E2F3: variants seen among roughly 807,000 people sequenced by gnomAD.
The protein encoded by E2F3 is transcription factor E2F3.
A neutral mutation model predicts 44.4 loss-of-function variants in E2F3; 11 were observed. That is an observed-to-expected ratio of 0.25 (90% CI 0.16 to 0.41). The LOEUF (loss-of-function observed/expected upper bound fraction) is 0.41, where lower values mean the gene tolerates loss of function less well. Among genes scored for constraint, E2F3 ranks in the 10% least tolerant of loss-of-function variants. The probability of loss-of-function intolerance (pLI) is 1.00; values close to 1 mark genes in which losing one functional copy is unlikely to be tolerated. For synonymous variants in E2F3, 249 were observed against 253.0 expected (o/e 0.98, Z 0.15); for missense variants, 487 against 583.6 (o/e 0.83, Z 1.70).
At chr6:20,457,347 T>TC (rs143319478) in intron 1 of E2F3, among the ~76,000 whole-genome samples, 1 of 99,820 alleles carries the variant, frequency 1.0e-5, no homozygotes, top group Non-Finnish European at 2.1e-5. Context: ...GCTTATTTTT[T>TC]CTTTTTTTTT....
At position 20,486,740 on chromosome 6, in the gene E2F3, C is replaced by G. The variant is rs368085911; in HGVS notation, c.936C>G (p.Asp312Glu). Reference protein sequence around the residue: ...QDIRKISGLKDQTVIVVKAPP... With the variant: ...QDIRKISGLKEQTVIVVKAPP... ...TTCGAAAAATTAGTGGCCTTAAAGA[C>G]CAAACTGTTATAGTTGTGAAAGCCC... Residue 312 changes from aspartate to glutamate, a missense_variant, in exon 5 of 7, where the codon GAC becomes GAG. Coordinates refer to ENST00000346618, the MANE Select transcript of E2F3 (RefSeq NM_001949.5). The G allele has an allele frequency of 3.7e-6, 6 of 1,613,466 alleles. No individual in the cohort carries two copies. The South Asian group carries it at 4.4e-5, about 12-fold the overall frequency.
At chr6:20,480,028 G>A in intron 2 of E2F3, 71 bp downstream of exon 2, 1 of 1,529,128 alleles carries the variant, frequency 6.5e-7, no homozygotes, top group South Asian at 1.2e-5. Context: ...CTTATGGCCG[G>A]AAGGATGCCA....
At chr6:20,481,066 C>A (rs1261417699) in intron 2 of E2F3, 140 bp from the exon 3 acceptor site, 2 of 755,068 alleles carry the variant, frequency 2.6e-6, no homozygotes. Context: ...TTGCCAACAC[C>A]AACAGCAACG....
rs1255377648 is a variant in E2F3, at chr6:20,493,055, T to G, written c.*2625T>G. 1 of 216,874 alleles carries G rather than the reference T, an allele frequency of 4.6e-6. No individual in the cohort carries two copies. The highest frequency in any genetic ancestry group is 2.3e-5 in the African/African-American group (1 of 44,442). The allele number at this position is 216,874 out of a possible 1,614,324, so 13.4% of individuals were successfully genotyped here. ...AAACAGTGTTAGGAGTGTGTTTATA[T>G]GTACAGAGTTGTGCATAGCAATCGT... On this transcript the variant is annotated 3_prime_UTR_variant, in exon 7 of 7. Transcript: ENST00000346618.
At chr6:20,455,672 CAG>C (rs1761286073) in intron 1 of E2F3, among the ~76,000 whole-genome samples, 1 of 148,800 alleles carries the variant, frequency 6.7e-6, no homozygotes, top group Admixed American at 6.6e-5. Context: ...TCCCTCAAGA[CAG>C]GGCACTGTTC....
In E2F3 at chr6:20,488,098, C is replaced by T. The variant is rs766126290; in HGVS notation, c.1000-15C>T. 6.2e-7 allele frequency: 1 copy of T among 1,613,176 alleles called. No individual in the cohort carries two copies. Among genetic ancestry groups the T allele is most frequent in the Non-Finnish European group, 8.5e-7 (1 of 1,179,942 alleles). On this transcript the variant is annotated splice_polypyrimidine_tract_variant and intron_variant, in intron 5 of 6. Transcript: ENST00000346618. ...AAGAACTTCTGATTCGAACTTCTCC[C>T]ACTTCTGTTCATAGAGCCTACAAAT...
chr6:20,452,000 GA>G (rs1264161110), intron 1 of E2F3, among the ~76,000 whole-genome samples: 2 of 152,172 alleles, frequency 1.3e-5, no homozygotes, highest in African/African-American at 2.4e-5. Flanking sequence ...GTTCATCAAG[GA>G]TATTGGCCTT....
At chr6:20,459,835 G>A (rs937719211) in intron 1 of E2F3, among the ~76,000 whole-genome samples, 4 of 152,020 alleles carry the variant, frequency 2.6e-5, no homozygotes, top group African/African-American at 9.7e-5. Flanking sequence ...CCAGCTACTT[G>A]GGGGGTCGAG....
At chr6:20,480,329 G>A (rs978031972) in intron 2 of E2F3, among the ~76,000 whole-genome samples, 4 of 152,146 alleles carry the variant, frequency 2.6e-5, no homozygotes, top group Admixed American at 2.0e-4. Flanking sequence ...TGTCTGTGCC[G>A]ACCTCAATCT....
At chr6:20,447,868 C>T (rs1429981093) in intron 1 of E2F3, among the ~76,000 whole-genome samples, 2 of 152,152 alleles carry the variant, frequency 1.3e-5, no homozygotes, top group Non-Finnish European at 2.9e-5. Context: ...GTTTGCGAGA[C>T]TTCAGGTACC....
intron 1 of E2F3, among the ~76,000 whole-genome samples, chr6:20,471,609 A>G (rs1259417749): frequency 2.0e-5 from 3 of 152,186 alleles, no homozygotes; most frequent in Non-Finnish European, 2.9e-5. Context: ...TATGTTGGAC[A>G]TATGTGGAAA....
intron 1 of E2F3, among the ~76,000 whole-genome samples, chr6:20,446,021 T>G (rs1760932219): frequency 6.6e-6 from 1 of 152,142 alleles, no homozygotes; most frequent in Non-Finnish European, 1.5e-5. Context: ...ACATGCCACT[T>G]TGCCTCATGT....
intron 1 of E2F3, among the ~76,000 whole-genome samples, chr6:20,422,768 A>G (rs73731192): frequency 0.014 from 2,183 of 152,330 alleles, 56 homozygotes; most frequent in African/African-American, 0.047. Flanking sequence ...ATGGCTATCA[A>G]TTAAGTTTGC....
At chr6:20,432,258 A>G (rs577316606) in intron 1 of E2F3, among the ~76,000 whole-genome samples, 41 of 150,604 alleles carry the variant, frequency 2.7e-4, no homozygotes, top group African/African-American at 9.0e-4. Flanking sequence ...CTTGTATAGA[A>G]CTCACCTACT....
At position 20,492,840 on chromosome 6, in the gene E2F3, C is replaced by A. The variant is rs952430738; in HGVS notation, c.*2410C>A. The A allele has an allele frequency of 3.1e-5, 7 of 223,568 alleles. No homozygotes were observed. Among genetic ancestry groups the A allele is most frequent in the Non-Finnish European group, 6.3e-5 (7 of 111,956 alleles). 13.8% of individuals were successfully genotyped at this position (223,568 alleles called of 1,614,324 possible). Reference sequence around the variant, plus strand: ...AGTAATTTTCTTTTTGACTTAGTATCCGGCACACAAAGTGGGTTAGTACTA... The same window carrying A: ...AGTAATTTTCTTTTTGACTTAGTATACGGCACACAAAGTGGGTTAGTACTA... On this transcript the variant is annotated 3_prime_UTR_variant, in exon 7 of 7. Transcript: ENST00000346618.
chr6:20,411,456 C>G (rs775948990), intron 1 of E2F3, among the ~76,000 whole-genome samples: 1 of 152,200 alleles, frequency 6.6e-6, no homozygotes, highest in Non-Finnish European at 1.5e-5. Context: ...TTCCCCTTCG[C>G]CTTGCCCTCT....
In E2F3 at chr6:20,490,063, C is replaced by T. The variant is rs147517685; in HGVS notation, c.1136-105C>T. 6.1e-5 allele frequency: 76 copies of T among 1,253,002 alleles called. No individual in the cohort carries two copies. Among genetic ancestry groups the T allele is most frequent in the East Asian group, 3.9e-4 (16 of 41,018 alleles). The allele number at this position is 1,253,002 out of a possible 1,614,324, so 77.6% of individuals were successfully genotyped here. A position where few individuals can be genotyped will look rare whatever the true frequency, so the allele number is the denominator to read the frequency against. On this transcript the variant is annotated intron_variant, in intron 6 of 6. Coordinates refer to ENST00000346618, the MANE Select transcript of E2F3 (RefSeq NM_001949.5). This position sits in a 1 kb window ranked among gnomAD's most constrained non-coding sequence, Gnocchi z 4.3. The stretch of plus-strand genomic sequence containing the variant: ...AAAGTCGTCTCATTGTCATTATTTG[C>T]GGAAGGTACATGCTTTTTTCTAACA...
At chr6:20,433,416 T>G (rs1581595315) in intron 1 of E2F3, among the ~76,000 whole-genome samples, 1 of 152,308 alleles carries the variant, frequency 6.6e-6, no homozygotes, top group Admixed American at 6.5e-5. Flanking sequence ...CTTAATTTTT[T>G]TGTGTGACTA....
At chr6:20,446,035 C>T (rs1250230307) in intron 1 of E2F3, among the ~76,000 whole-genome samples, 1 of 152,172 alleles carries the variant, frequency 6.6e-6, no homozygotes, top group African/African-American at 2.4e-5. Flanking sequence ...CTCATGTGCA[C>T]AGCTTTGGGG....
Sources: allele counts gnomAD v4.1 joint callset (sites outside exome capture counted in the v4.1 genomes callset), GRCh38; gene constraint gnomAD v4.1.1; non-coding constraint Gnocchi (gnomAD v3.1); transcripts MANE v1.5; gene names NCBI Gene and HGNC (gene_info 2026-07-23, HGNC 2026-07-21).